GAL3ST1: variants seen among roughly 807,000 people sequenced by gnomAD.
GAL3ST1 encodes galactosylceramide sulfotransferase.
Under a neutral mutation model 25.0 loss-of-function variants are expected in GAL3ST1, and 13 were observed. That is an observed-to-expected ratio of 0.52 (90% CI 0.34 to 0.83). The LOEUF (loss-of-function observed/expected upper bound fraction) is 0.83. GAL3ST1 is among the 40% of genes least tolerant of loss of function. The pLI is 0.02. For missense variants in GAL3ST1, 474 were observed against 613.6 expected (o/e 0.77, Z 2.40); for synonymous variants, 274 against 277.8 (o/e 0.99, Z 0.14).
At chr22:30,559,131 C>G (rs373099813) in intron 1 of GAL3ST1, among the ~76,000 whole-genome samples, 1 of 151,940 alleles carries the variant, frequency 6.6e-6, no homozygotes, top group Non-Finnish European at 1.5e-5. Context: ...GTATTCCTGC[C>G]TGGGTGACAG....
chr22:30,569,175 G>A (rs979597392), intron 1 of GAL3ST1, among the ~76,000 whole-genome samples: 4 of 152,104 alleles, frequency 2.6e-5, no homozygotes, highest in African/African-American at 9.7e-5. Context: ...AGACCCACAG[G>A]AGGGTCTTCA....
At chr22:30,558,190 A>G (rs1161155296) in intron 2 of GAL3ST1, 89 bp downstream of exon 2, 1 of 151,728 alleles carries the variant, frequency 6.6e-6, no homozygotes, top group Non-Finnish European at 1.5e-5. Flanking sequence ...TGCTTGAGCC[A>G]GGAGTTCAAG....
intron 1 of GAL3ST1, among the ~76,000 whole-genome samples, chr22:30,571,739 C>G (rs537246541): frequency 8.5e-5 from 13 of 152,242 alleles, no homozygotes; most frequent in Admixed American, 8.5e-4. Context: ...TGGTGGGCGC[C>G]TATAGTCCCA....
Position 30,555,271 on chromosome 22 carries a change from C to T in GAL3ST1, c.954G>A (p.Lys318=). The change falls in exon 4 of 4, where the codon AAG becomes AAA. Residue 318 remains lysine (K), a synonymous_variant. Coordinates refer to ENST00000406361, the MANE Select transcript of GAL3ST1 (RefSeq NM_001318104.2). This position sits in a 1 kb window ranked among gnomAD's most constrained non-coding sequence, Gnocchi z 8.6. ...YRHFNASFWR[K]VEAFGRERMA... The stretch of plus-strand genomic sequence containing the variant: ...TGCGCTCCCGCCCGAAGGCCTCCAC[C>T]TTGCGCCAGAAGCTGGCGTTGAAGT... 1.9e-6 allele frequency: 3 copies of T among 1,602,488 alleles called. No homozygotes were observed. The highest frequency in any genetic ancestry group is 2.5e-6 in the Non-Finnish European group (3 of 1,176,528).
rs761526230 is a variant in GAL3ST1 at position 30,555,203 on chromosome 22, A to G, written c.1022T>C (p.Met341Thr). Residue 341 changes from methionine (M) to threonine (T), a missense_variant, in exon 4 of 4, where the codon ATG (methionine) becomes ACG (threonine). This residue lies in a region of GAL3ST1 where 359 missense variants were observed against 504.4 expected (regional missense o/e 0.71). Transcript: ENST00000406361. This position sits in a 1 kb window ranked among gnomAD's most constrained non-coding sequence, Gnocchi z 8.6. ...VAALRHANERMRTICIDGGHA... is the reference protein window; with the variant it reads ...VAALRHANERTRTICIDGGHA... Reference sequence around the variant, plus strand: ...GCCCCCGTCGATGCAGATGGTCCGCATGCGCTCGTTGGCATGGCGCAGGGC... The same window carrying G: ...GCCCCCGTCGATGCAGATGGTCCGCGTGCGCTCGTTGGCATGGCGCAGGGC... 1.3e-6 allele frequency: 2 copies of G among 1,599,902 alleles called. No individual in the cohort carries two copies. The highest frequency in any genetic ancestry group is 1.7e-6 in the Non-Finnish European group (2 of 1,175,910).
At chr22:30,570,977 T>TAC (rs67031445) in intron 1 of GAL3ST1, among the ~76,000 whole-genome samples, 19,235 of 146,044 alleles carry the variant, frequency 0.13, 1,264 homozygotes, top group East Asian at 0.24. Context: ...TCTGTGATGA[T>TAC]ACACACACAC....
intron 1 of GAL3ST1, among the ~76,000 whole-genome samples, chr22:30,573,696 T>C (rs1193828621): frequency 6.6e-6 from 1 of 152,200 alleles, no homozygotes; most frequent in African/African-American, 2.4e-5. Context: ...TCCTTCCCCC[T>C]GGTGTGGGTT....
intron 1 of GAL3ST1, among the ~76,000 whole-genome samples, chr22:30,567,830 C>T (rs2086669856): frequency 6.6e-6 from 1 of 152,062 alleles, no homozygotes; most frequent in South Asian, 2.1e-4. Flanking sequence ...ATTACGGGCA[C>T]CCGCCACCAC....
At chr22:30,557,427 A>T in intron 2 of GAL3ST1, 26 bp from the exon 3 acceptor site, 1 of 1,612,426 alleles carries the variant, frequency 6.2e-7, no homozygotes, top group African/African-American at 1.3e-5. Flanking sequence ...AGAGTAGGGC[A>T]AGTGTCAGGA....
intron 1 of GAL3ST1, among the ~76,000 whole-genome samples, chr22:30,563,757 CA>C (rs35696153): frequency 0.42 from 62,190 of 149,660 alleles, 13,080 homozygotes; most frequent in African/African-American, 0.48. Flanking sequence ...ACTAAAAATA[CA>C]AAAAAAAATT....
Position 30,557,165 on chromosome 22 carries a change from T to C in GAL3ST1, c.131+97A>G, listed in dbSNP as rs1353727086. 3.1e-6 allele frequency: 4 copies of C among 1,300,018 alleles called. No homozygotes were observed. In the East Asian group the frequency reaches 9.4e-5, roughly 31 times the overall value. 80.5% of individuals were successfully genotyped at this position (1,300,018 alleles called of 1,614,324 possible). ...CAGGGTGCAGGGTGGCTACCCAAGA[T>C]CACTGGGGCAGGCCCTGTGGTAATT... On this transcript the variant is annotated intron_variant, in intron 3 of 3. Transcript: ENST00000406361.
At chr22:30,557,222 C>T in intron 3 of GAL3ST1, 40 bp downstream of exon 3, 3 of 1,608,776 alleles carry the variant, frequency 1.9e-6, no homozygotes, top group Non-Finnish European at 2.6e-6. Context: ...GCCATCCCTC[C>T]CCCACCTACA....
intron 1 of GAL3ST1, among the ~76,000 whole-genome samples, chr22:30,559,724 T>C (rs2086269513): frequency 6.6e-6 from 1 of 152,158 alleles, no homozygotes; most frequent in East Asian, 1.9e-4. Flanking sequence ...GTGGCAACCC[T>C]ATCAGCAGGG....
At chr22:30,569,641 T>C (rs1486249594) in intron 1 of GAL3ST1, among the ~76,000 whole-genome samples, 2 of 151,728 alleles carry the variant, frequency 1.3e-5, no homozygotes, top group African/African-American at 2.4e-5. Flanking sequence ...AAAGTGGGAA[T>C]TGAGGCCATA....
intron 1 of GAL3ST1, among the ~76,000 whole-genome samples, chr22:30,567,329 G>A (rs2086656074): frequency 6.6e-6 from 1 of 152,146 alleles, no homozygotes; most frequent in Non-Finnish European, 1.5e-5. Flanking sequence ...CTGGAGTACA[G>A]TGGCGTGATC....
rs73881480 is a variant in GAL3ST1, at chr22:30,565,955, A to G, written c.-119-7567T>C. On this transcript the variant is annotated intron_variant, in intron 1 of 3. Transcript: ENST00000406361. ...GTGCCACCATCAATTAATAATGATC[A>G]TTATTGTGACAGTCATTCATCCCAC... Among the ~76,000 whole-genome samples, 1,201 of 152,232 alleles carry G rather than the reference A, an allele frequency of 7.9e-3. 13 individuals carry two copies. Among genetic ancestry groups the G allele is most frequent in the African/African-American group, 0.027 (1,126 of 41,526 alleles).
intron 1 of GAL3ST1, chr22:30,560,478 C>T (rs1431097726): frequency 6.6e-6 from 1 of 152,210 alleles, no homozygotes; most frequent in Admixed American, 6.5e-5. Flanking sequence ...CCTCCTGAGG[C>T]CCGGGGGGCC....
At chr22:30,561,317 G>T (rs1038602862) in intron 1 of GAL3ST1, among the ~76,000 whole-genome samples, 2 of 152,132 alleles carry the variant, frequency 1.3e-5, no homozygotes, top group African/African-American at 4.8e-5. Flanking sequence ...TGAACCTTGG[G>T]CTATCCCTCC....
chr22:30,558,378 A>C lies in GAL3ST1; in HGVS notation c.-109T>G, dbSNP rs1293110682. The C allele has an allele frequency of 5.3e-5, 8 of 152,168 alleles. No individual in the cohort carries two copies. Among genetic ancestry groups the C allele is most frequent in the Non-Finnish European group, 1.0e-4 (7 of 68,050 alleles). 9.4% of individuals were successfully genotyped at this position (152,168 alleles called of 1,614,324 possible). A position where few individuals can be genotyped will look rare whatever the true frequency, so the allele number is the denominator to read the frequency against. On this transcript the variant is annotated 5_prime_UTR_variant, in exon 2 of 4. Coordinates refer to ENST00000406361, the MANE Select transcript of GAL3ST1 (RefSeq NM_001318104.2). Reference sequence around the variant, plus strand: ...CCGCTGCACTCCAGCTCTGGATGACACAGTGAGACCCTGTCTCAAATAAAT... The same window carrying C: ...CCGCTGCACTCCAGCTCTGGATGACCCAGTGAGACCCTGTCTCAAATAAAT...
Sources: allele counts gnomAD v4.1 joint callset (sites outside exome capture counted in the v4.1 genomes callset), GRCh38; gene constraint gnomAD v4.1.1; regional missense constraint gnomAD v4.1.1; non-coding constraint Gnocchi (gnomAD v3.1); transcripts MANE v1.5; gene names NCBI Gene and HGNC (gene_info 2026-07-23, HGNC 2026-07-21).